Variants in PSPC1 observed in about 807,000 individuals in gnomAD.
The protein encoded by PSPC1 is paraspeckle protein 1.
Under a neutral mutation model 51.6 loss-of-function variants are expected in PSPC1, and 14 were observed. The ratio of observed to expected loss-of-function variants is 0.27; its 90% CI spans 0.18 to 0.42. The LOEUF is 0.42. PSPC1 is among the 10% of genes least tolerant of loss of function. PSPC1 has a pLI of 1.00. For synonymous variants in PSPC1, 193 were observed against 231.9 expected (o/e 0.83, Z 1.53); for missense variants, 406 against 701.1 (o/e 0.58, Z 4.75).
At chr13:19,747,236 T>C (rs1021609870) in intron 4 of PSPC1, among the ~76,000 whole-genome samples, 8 of 152,172 alleles carry the variant, frequency 5.3e-5, no homozygotes, top group African/African-American at 1.7e-4. Flanking sequence ...ACTAAACTAA[T>C]TGTACCCATA....
intron 6 of PSPC1, among the ~76,000 whole-genome samples, chr13:19,725,664 T>C (rs986281041): frequency 3.3e-5 from 5 of 152,186 alleles, no homozygotes; most frequent in Non-Finnish European, 7.3e-5. Flanking sequence ...GCATGTGAAC[T>C]GAGCCTGGTC....
Position 19,778,458 on chromosome 13 carries a change from T to A in PSPC1, c.372+3928A>T, listed in dbSNP as rs1409246629. On this transcript the variant is annotated intron_variant, in intron 1 of 8. Transcript: ENST00000338910. ...CCGAAGCTGGACTGTACTGCTGCCA[T>A]CTCGGCTCACTGCAACCTCCCTGCC... 3.8e-3 allele frequency among the ~76,000 whole-genome samples: 475 copies of A among 126,222 alleles called. 5 individuals carry two copies. Among genetic ancestry groups the A allele is most frequent in the South Asian group, 0.023 (68 of 2,922 alleles). The allele number at this position is 126,222 out of a possible 152,430, so 82.8% of individuals were successfully genotyped here. A position where few individuals can be genotyped will look rare whatever the true frequency, so the allele number is the denominator to read the frequency against.
intron 2 of PSPC1, among the ~76,000 whole-genome samples, chr13:19,761,902 C>T (rs1887631254): frequency 6.6e-6 from 1 of 152,106 alleles, no homozygotes; most frequent in Admixed American, 6.6e-5. Flanking sequence ...TAACACAAGA[C>T]CATCCCCCTT....
rs535823318 is a variant in PSPC1 at position 19,740,330 on chromosome 13, C to T, written c.1052+1235G>A. Among the ~76,000 whole-genome samples the T allele has an allele frequency of 1.8e-4, 27 of 150,172 alleles. No homozygotes were observed. The South Asian group carries it at 4.8e-3, about 27-fold the overall frequency. ...TGCACTCCAGCCTGGGCAACAAGAG[C>T]GAAACTCCCTCTCAAAAAAAAAAAA... On this transcript the variant is annotated intron_variant, in intron 5 of 8. Transcript: ENST00000338910.
At chr13:19,726,696 G>A (rs1170269496) in intron 6 of PSPC1, among the ~76,000 whole-genome samples, 1 of 152,152 alleles carries the variant, frequency 6.6e-6, no homozygotes, top group Non-Finnish European at 1.5e-5. Context: ...CTTGAGCCCA[G>A]CCTGGGCAAC....
intron 3 of PSPC1, among the ~76,000 whole-genome samples, chr13:19,756,832 G>C (rs1053363030): frequency 6.6e-6 from 1 of 151,926 alleles, no homozygotes. Flanking sequence ...TTCTGGAAAC[G>C]TCAAAGACAG....
chr13:19,772,149 G>T, intron 2 of PSPC1, 93 bp downstream of exon 2: 2 of 1,324,492 alleles, frequency 1.5e-6, no homozygotes, highest in Non-Finnish European at 2.1e-6. Context: ...CTTACCATAT[G>T]CTAGTATGAA....
At chr13:19,774,546 T>C (rs1448937610) in intron 1 of PSPC1, among the ~76,000 whole-genome samples, 1 of 152,132 alleles carries the variant, frequency 6.6e-6, no homozygotes, top group Non-Finnish European at 1.5e-5. Flanking sequence ...ACACCTGTAA[T>C]CCCAGCACTT....
downstream of PSPC1, among the ~76,000 whole-genome samples, chr13:19,700,490 A>C (rs1879767904): frequency 6.6e-6 from 1 of 152,158 alleles, no homozygotes; most frequent in Non-Finnish European, 1.5e-5. Flanking sequence ...TAGCAAATTG[A>C]ATTTTGCAAA....
chr13:19,744,892 A>G lies in PSPC1; in HGVS notation c.968-3243T>C, dbSNP rs1885805042. Among the ~76,000 whole-genome samples the G allele has an allele frequency of 3.3e-5, 5 of 152,326 alleles. No individual in the cohort carries two copies. In the South Asian group the frequency reaches 8.3e-4, roughly 25 times the overall value. ...TAGAGATGTCTTTATCTTTTGATCC[A>G]GGAAATTACACTCAGGAATTTTTCT... On this transcript the variant is annotated intron_variant, in intron 4 of 8. Transcript: ENST00000338910.
chr13:19,727,296 A>G (rs571545313), intron 6 of PSPC1, among the ~76,000 whole-genome samples: 5 of 152,278 alleles, frequency 3.3e-5, no homozygotes, highest in African/African-American at 1.2e-4. Context: ...CGGGAGGCTA[A>G]GGCAGGAGAG....
chr13:19,742,881 C>A (rs1158379906), intron 4 of PSPC1, among the ~76,000 whole-genome samples: 8 of 152,092 alleles, frequency 5.3e-5, no homozygotes, highest in African/African-American at 1.9e-4. Flanking sequence ...CCTCGCAACA[C>A]GATTAGCATG....
At chr13:19,687,923 CTT>C (rs1370753277) in intron 6 of PSPC1, among the ~76,000 whole-genome samples, 1 of 151,794 alleles carries the variant, frequency 6.6e-6, no homozygotes, top group Non-Finnish European at 1.5e-5. Flanking sequence ...GTTTTCCAGT[CTT>C]GTTTTGGGTT....
intron 3 of PSPC1, among the ~76,000 whole-genome samples, chr13:19,758,944 A>C (rs929288019): frequency 2.6e-5 from 4 of 152,028 alleles, no homozygotes; most frequent in African/African-American, 9.7e-5. Flanking sequence ...CCAGTTATAA[A>C]AGTAGACATT....
chr13:19,755,519 C>T (rs1240787785), intron 3 of PSPC1, among the ~76,000 whole-genome samples: 4 of 150,408 alleles, frequency 2.7e-5, no homozygotes, highest in African/African-American at 9.8e-5. Flanking sequence ...ACCTGGGAGG[C>T]GGAGGTTGTG....
At chr13:19,762,202 A>G (rs1887661935) in intron 2 of PSPC1, among the ~76,000 whole-genome samples, 1 of 152,228 alleles carries the variant, frequency 6.6e-6, no homozygotes, top group Non-Finnish European at 1.5e-5. Flanking sequence ...GTCTCCCTCT[A>G]CCACTCTATA....
chr13:19,729,964 A>G (rs1346663857), intron 6 of PSPC1, among the ~76,000 whole-genome samples: 1 of 152,230 alleles, frequency 6.6e-6, no homozygotes, highest in South Asian at 2.1e-4. Context: ...TGATGTATAT[A>G]TCAAGATTTC....
chr13:19,753,816 G>C (rs1886804233), intron 3 of PSPC1, among the ~76,000 whole-genome samples: 1 of 151,958 alleles, frequency 6.6e-6, no homozygotes, highest in African/African-American at 2.4e-5. Flanking sequence ...ATGATCCTAG[G>C]GACTCTATAT....
intron 5 of PSPC1, among the ~76,000 whole-genome samples, chr13:19,739,739 G>A (rs1392229969): frequency 2.0e-5 from 3 of 150,814 alleles, no homozygotes; most frequent in Non-Finnish European, 4.4e-5. Flanking sequence ...GCGAAACTCC[G>A]TCTCCAAAAT....
Sources: allele counts gnomAD v4.1 joint callset (sites outside exome capture counted in the v4.1 genomes callset), GRCh38; gene constraint gnomAD v4.1.1; transcripts MANE v1.5; gene names NCBI Gene and HGNC (gene_info 2026-07-23, HGNC 2026-07-21).